Variants in KCNQ5 observed in about 807,000 individuals in gnomAD.
The protein encoded by KCNQ5 is potassium voltage-gated channel subfamily Q member 5.
A neutral mutation model predicts 98.2 loss-of-function variants in KCNQ5; 30 were observed. That is an observed-to-expected ratio of 0.31 (90% CI 0.23 to 0.41). KCNQ5 has a LOEUF of 0.41. KCNQ5 is among the 10% of genes least tolerant of loss of function. The pLI is 1.00. For missense variants in KCNQ5, 835 were observed against 1,182.5 expected (o/e 0.71, Z 4.31); for synonymous variants, 458 against 449.4 (o/e 1.02, Z -0.24).
chr6:72,912,450 T>G (rs978134404), intron 1 of KCNQ5, among the ~76,000 whole-genome samples: 5 of 152,322 alleles, frequency 3.3e-5, no homozygotes, highest in Non-Finnish European at 5.9e-5. Context: ...TGACAACTAC[T>G]GTTTTCCTTT....
chr6:72,918,403 G>A (rs1780257842), intron 1 of KCNQ5, among the ~76,000 whole-genome samples: 1 of 151,874 alleles, frequency 6.6e-6, no homozygotes, highest in Non-Finnish European at 1.5e-5. Flanking sequence ...GGACAATTTG[G>A]TTTATATTAA....
intron 1 of KCNQ5, among the ~76,000 whole-genome samples, chr6:72,971,352 G>T (rs1292692398): frequency 6.6e-6 from 1 of 152,208 alleles, no homozygotes; most frequent in Non-Finnish European, 1.5e-5. Context: ...AACAACCGGT[G>T]CTGGAGAGGA....
At chr6:72,982,418 GTTCT>G (rs1480633032) in intron 1 of KCNQ5, among the ~76,000 whole-genome samples, 5 of 143,670 alleles carry the variant, frequency 3.5e-5, no homozygotes, top group East Asian at 2.0e-4. Flanking sequence ...ATGGCCTTGT[GTTCT>G]TTGTCTCTTT....
chr6:72,875,262 T>C (rs937813280), intron 1 of KCNQ5, among the ~76,000 whole-genome samples: 1 of 152,206 alleles, frequency 6.6e-6, no homozygotes, highest in Non-Finnish European at 1.5e-5. Flanking sequence ...AGATGCATCA[T>C]TATTCCTCTA....
At chr6:73,038,225 A>G (rs1376336566) in intron 2 of KCNQ5, among the ~76,000 whole-genome samples, 1 of 152,098 alleles carries the variant, frequency 6.6e-6, no homozygotes, top group Non-Finnish European at 1.5e-5. Flanking sequence ...TTGATCATAC[A>G]TCGTGCAGCC....
At chr6:72,706,652 A>G (rs1335487230) in intron 1 of KCNQ5, among the ~76,000 whole-genome samples, 1 of 152,116 alleles carries the variant, frequency 6.6e-6, no homozygotes, top group East Asian at 1.9e-4. Context: ...TCAGTTCCTA[A>G]TACAGCAACC....
chr6:72,913,541 A>G (rs1461270147), intron 1 of KCNQ5, among the ~76,000 whole-genome samples: 1 of 152,246 alleles, frequency 6.6e-6, no homozygotes, highest in Non-Finnish European at 1.5e-5. Flanking sequence ...AAAAGTATAC[A>G]GACACTATTG....
At chr6:73,079,758 C>T (rs9360631) in intron 5 of KCNQ5, among the ~76,000 whole-genome samples, 111,356 of 152,190 alleles carry the variant, frequency 0.73, 44,961 homozygotes, top group Non-Finnish European at 0.89. Context: ...AGAGAGCAGT[C>T]ATCTGACACT....
chr6:72,820,934 G>A (rs1775724655), intron 1 of KCNQ5, among the ~76,000 whole-genome samples: 2 of 152,216 alleles, frequency 1.3e-5, no homozygotes, highest in African/African-American at 4.8e-5. Flanking sequence ...TGTACAAACT[G>A]TGTCACTGGA....
In KCNQ5 at chr6:73,111,960, A is replaced by AATAAATT. The variant is rs1328997107; in HGVS notation, c.1125+561_1125+562insATTATAA. Among the ~76,000 whole-genome samples, 3 of 152,212 alleles carry AATAAATT rather than the reference A, an allele frequency of 2.0e-5. No individual in the cohort carries two copies. In the East Asian group the frequency reaches 5.8e-4, roughly 29 times the overall value. ...ACATCAGTGTTTGAGAATATTAAAC[A>AATAAATT]ATAAGTATATAATTTGAAGCTAGCT... On this transcript the variant is annotated intron_variant, in intron 7 of 13. Transcript: ENST00000370398.
chr6:72,660,352 G>A (rs1368379534), intron 1 of KCNQ5, among the ~76,000 whole-genome samples: 1 of 152,128 alleles, frequency 6.6e-6, no homozygotes, highest in African/African-American at 2.4e-5. Context: ...ATTCTAGAGC[G>A]CGGACATGAA....
chr6:73,109,616 G>C (rs1215177079), intron 6 of KCNQ5, among the ~76,000 whole-genome samples: 1 of 152,146 alleles, frequency 6.6e-6, no homozygotes, highest in Non-Finnish European at 1.5e-5. Context: ...TTTAGAAATG[G>C]AGGGGCATTT....
intron 1 of KCNQ5, among the ~76,000 whole-genome samples, chr6:72,939,012 C>G (rs1185055396): frequency 6.6e-6 from 1 of 152,208 alleles, no homozygotes; most frequent in Non-Finnish European, 1.5e-5. Context: ...CTTGCAAAAA[C>G]TCATTAACCC....
intron 7 of KCNQ5, among the ~76,000 whole-genome samples, chr6:73,118,357 A>G (rs989297647): frequency 1.3e-5 from 2 of 152,230 alleles, no homozygotes. Flanking sequence ...TACTATTGCC[A>G]TATAGTATTG....
intron 10 of KCNQ5, among the ~76,000 whole-genome samples, chr6:73,162,514 A>G (rs1777652745): frequency 6.6e-6 from 1 of 152,126 alleles, no homozygotes; most frequent in African/African-American, 2.4e-5. Flanking sequence ...TCACGGTCCC[A>G]TAACCTACAT....
At chr6:72,655,549 G>A (rs181512221) in intron 1 of KCNQ5, among the ~76,000 whole-genome samples, 42 of 152,144 alleles carry the variant, frequency 2.8e-4, no homozygotes, top group Admixed American at 1.5e-3. Context: ...GCCAGGCTCC[G>A]GATGAGGAAC....
chr6:72,781,941 A>G (rs757057042), intron 1 of KCNQ5, among the ~76,000 whole-genome samples: 6 of 152,220 alleles, frequency 3.9e-5, no homozygotes, highest in Non-Finnish European at 8.8e-5. Context: ...TTTTGACAAC[A>G]TAGAACTGTG....
intron 1 of KCNQ5, among the ~76,000 whole-genome samples, chr6:72,837,767 A>G: frequency 6.6e-6 from 1 of 151,794 alleles, no homozygotes; most frequent in Non-Finnish European, 1.5e-5. Flanking sequence ...AAACATATAT[A>G]TGTTTAAACA....
intron 1 of KCNQ5, among the ~76,000 whole-genome samples, chr6:72,824,823 T>C (rs190131160): frequency 2.0e-5 from 3 of 152,158 alleles, no homozygotes; most frequent in Admixed American, 6.6e-5. Flanking sequence ...CTCTCATCTT[T>C]ATACTATAGA....
Sources: allele counts gnomAD v4.1 joint callset (sites outside exome capture counted in the v4.1 genomes callset), GRCh38; gene constraint gnomAD v4.1.1; transcripts MANE v1.5; gene names NCBI Gene and HGNC (gene_info 2026-07-23, HGNC 2026-07-21).